The following AK5 variants were observed in gnomAD, a reference collection of about 807,000 sequenced individuals.
The protein encoded by AK5 is adenylate kinase 5, also known as adenylate kinase isoenzyme 5.
A neutral mutation model predicts 69.5 loss-of-function variants in AK5; 27 were observed. That is an observed-to-expected ratio of 0.39 (90% CI 0.29 to 0.54). The LOEUF (loss-of-function observed/expected upper bound fraction) is 0.54. AK5 is among the 20% of genes least tolerant of loss of function. The pLI is 0.71. For missense variants in AK5, 531 were observed against 700.4 expected (o/e 0.76, Z 2.73); for synonymous variants, 260 against 244.4 (o/e 1.06, Z -0.60).
intron 12 of AK5, among the ~76,000 whole-genome samples, chr1:77,535,484 T>C (rs1658907093): frequency 6.6e-6 from 1 of 152,176 alleles, no homozygotes; most frequent in Non-Finnish European, 1.5e-5. Context: ...AGTGATTAGC[T>C]GTGCCTCAGG....
At chr1:77,546,762 C>T (rs1410002507) in intron 13 of AK5, among the ~76,000 whole-genome samples, 1 of 152,160 alleles carries the variant, frequency 6.6e-6, no homozygotes, top group African/African-American at 2.4e-5. Context: ...CATGAAACCC[C>T]AGCGAAGTAG....
chr1:77,554,286 TC>T (rs1229538215), intron 13 of AK5, among the ~76,000 whole-genome samples: 1 of 152,200 alleles, frequency 6.6e-6, no homozygotes, highest in Non-Finnish European at 1.5e-5. Context: ...ACATGTCTAT[TC>T]TTCTAGGCCG....
At chr1:77,550,162 C>T (rs376854947) in intron 13 of AK5, among the ~76,000 whole-genome samples, 1 of 152,114 alleles carries the variant, frequency 6.6e-6, no homozygotes, top group African/African-American at 2.4e-5. Flanking sequence ...AAGCTGGTCT[C>T]GAGCTCCTGG....
intron 2 of AK5, among the ~76,000 whole-genome samples, chr1:77,291,730 C>T (rs1328426126): frequency 6.6e-6 from 1 of 152,198 alleles, no homozygotes; most frequent in Non-Finnish European, 1.5e-5. Context: ...GGATACAGAG[C>T]TCCAGACCGT....
At chr1:77,395,795 G>GA (rs1431942572) in intron 6 of AK5, among the ~76,000 whole-genome samples, 1 of 152,182 alleles carries the variant, frequency 6.6e-6, no homozygotes, top group Non-Finnish European at 1.5e-5. Flanking sequence ...GAAGTTATTC[G>GA]AAGGCCTCCA....
intron 7 of AK5, among the ~76,000 whole-genome samples, chr1:77,417,350 C>T (rs771263740): frequency 6.6e-6 from 1 of 152,240 alleles, no homozygotes; most frequent in East Asian, 1.9e-4. Context: ...TACTACTAAT[C>T]AGAATTAGTA....
chr1:77,449,765 G>A (rs1297951943), intron 8 of AK5, among the ~76,000 whole-genome samples: 3 of 152,136 alleles, frequency 2.0e-5, no homozygotes, highest in Non-Finnish European at 4.4e-5. Context: ...AGTCATGGGA[G>A]GGGTTGACAT....
intron 10 of AK5, among the ~76,000 whole-genome samples, chr1:77,499,894 T>G (rs1407685466): frequency 2.8e-5 from 4 of 143,738 alleles, no homozygotes; most frequent in African/African-American, 1.0e-4. Flanking sequence ...TTTTTTTTTT[T>G]TTTTTTTGGT....
At chr1:77,516,209 A>T (rs1657632040) in intron 10 of AK5, among the ~76,000 whole-genome samples, 1 of 152,262 alleles carries the variant, frequency 6.6e-6, no homozygotes, top group Non-Finnish European at 1.5e-5. Context: ...GAAATAAGCC[A>T]GGCACAGAAA....
intron 6 of AK5, among the ~76,000 whole-genome samples, chr1:77,410,623 A>G (rs1570523427): frequency 6.6e-6 from 1 of 152,250 alleles, no homozygotes; most frequent in African/African-American, 2.4e-5. Context: ...CAATAAGTTT[A>G]GAACATCTAC....
intron 8 of AK5, among the ~76,000 whole-genome samples, chr1:77,479,970 GCC>G (rs1210129363): frequency 7.2e-5 from 11 of 152,214 alleles, no homozygotes; most frequent in African/African-American, 2.7e-4. Context: ...TAAGCCTACA[GCC>G]TTTGGTTCCT....
intron 5 of AK5, chr1:77,314,518 A>G (rs1660137118): frequency 6.5e-6 from 1 of 152,836 alleles, no homozygotes; most frequent in South Asian, 2.1e-4. Context: ...TAATTTTTTA[A>G]TTGATACACA....
At chr1:77,417,605 C>T (rs1570534529) in intron 7 of AK5, 34 bp from the exon 8 acceptor site, 5 of 1,357,160 alleles carry the variant, frequency 3.7e-6, no homozygotes, top group Non-Finnish European at 5.3e-6. Flanking sequence ...CATAGACAAC[C>T]TCCATCCACT....
intron 13 of AK5, among the ~76,000 whole-genome samples, chr1:77,556,821 C>T (rs1660128035): frequency 6.6e-6 from 1 of 152,068 alleles, no homozygotes; most frequent in South Asian, 2.1e-4. Flanking sequence ...TGGCCCACAA[C>T]AAAATCATGT....
At chr1:77,558,536 C>T in intron 13 of AK5, 66 bp from the exon 14 acceptor site, 1 of 1,039,358 alleles carries the variant, frequency 9.6e-7, no homozygotes, top group South Asian at 1.4e-5. Context: ...TGATAGTGTT[C>T]TTTCATTATT....
At chr1:77,551,296 T>C (rs1042404796) in intron 13 of AK5, among the ~76,000 whole-genome samples, 1 of 152,080 alleles carries the variant, frequency 6.6e-6, no homozygotes, top group African/African-American at 2.4e-5. Flanking sequence ...TTCTCAGAAC[T>C]TGGCATCTTG....
chr1:77,338,028 G>A (rs1313305631), intron 5 of AK5, among the ~76,000 whole-genome samples: 5 of 149,198 alleles, frequency 3.4e-5, no homozygotes, highest in East Asian at 3.9e-4. Context: ...GCAATGGCAC[G>A]ATCTCAGCTC....
In AK5 at chr1:77,518,567, G is replaced by A. The variant is rs760543716; in HGVS notation, c.1151G>A (p.Gly384Asp). 1 of 1,613,828 alleles carries A rather than the reference G, an allele frequency of 6.2e-7. No homozygotes were observed. The highest frequency in any genetic ancestry group is 1.3e-5 in the African/African-American group (1 of 74,920). Residue 384 changes from glycine (G) to aspartate (D), a missense_variant, in exon 11 of 14, where the codon GGT becomes GAT. Physicochemically the swap from Gly to Asp is moderately conservative, Grantham distance 94. Coordinates refer to ENST00000354567, the MANE Select transcript of AK5 (RefSeq NM_174858.3). ...TGACACATGACTTCTTTTCAAGGTG[G>A]TCCTGGCTCTGGCAAAGGCACACAG... ...RKCKIIFIIG[G>D]PGSGKGTQCE...
chr1:77,413,985 G>T (rs959893577), intron 7 of AK5, among the ~76,000 whole-genome samples: 3 of 152,140 alleles, frequency 2.0e-5, no homozygotes, highest in Non-Finnish European at 4.4e-5. Flanking sequence ...ACATTGTAAT[G>T]AACACTTTCC....
Sources: gnomAD v4.1 joint callset for allele counts (sites outside exome capture counted in the v4.1 genomes callset) on GRCh38, gnomAD v4.1.1 for gene constraint, MANE v1.5 for transcripts, NCBI Gene and HGNC (gene_info 2026-07-23, HGNC 2026-07-21) for gene names.